The following CELSR1 variants were observed in gnomAD, a reference collection of about 807,000 sequenced individuals.
CELSR1 encodes the protein cadherin EGF LAG seven-pass G-type receptor 1, also known as adhesion G protein-coupled receptor C1.
In CELSR1, 110 loss-of-function variants were observed where a neutral mutation model predicts 249.1. The ratio of observed to expected loss-of-function variants is 0.44; its 90% CI spans 0.38 to 0.52. The LOEUF (loss-of-function observed/expected upper bound fraction) is 0.52. CELSR1 is among the 20% of genes least tolerant of loss of function. The pLI is 0.00. For missense variants in CELSR1, 4,109 were observed against 4,296.4 expected, an observed-to-expected ratio of 0.96 and a Z score of 1.22; for synonymous variants, 2,113 against 1,900.0, an observed-to-expected ratio of 1.11 and a Z score of -2.92.
At chr22:46,495,909 C>A (rs745380312) in intron 1 of CELSR1, among the ~76,000 whole-genome samples, 1 of 151,930 alleles carries the variant, frequency 6.6e-6, no homozygotes, top group African/African-American at 2.4e-5. Flanking sequence ...TAAAAAATTT[C>A]TTGGCTGGGC....
chr22:46,390,133 G>A lies in CELSR1; in HGVS notation c.6345+259C>T, dbSNP rs546110478. ...AAATGGAGTCAAATGCAGGGACCCC[G>A]TGTTTTCAGAACCAAAGACACAGAG... On this transcript the variant is annotated intron_variant, in intron 17 of 34. Coordinates refer to ENST00000674500, the MANE Select transcript of CELSR1 (RefSeq NM_001378328.1). The surrounding 1 kb of genome is among the most constrained non-coding windows in gnomAD (Gnocchi z 6.3). Among the ~76,000 whole-genome samples, 6 of 152,318 alleles carry A rather than the reference G, an allele frequency of 3.9e-5. No individual in the cohort carries two copies. The highest frequency in any genetic ancestry group is 3.9e-4 in the East Asian group (2 of 5,182).
rs979238061 is a variant in CELSR1, at chr22:46,481,720, C to T, written c.3545-17375G>A. On this transcript the variant is annotated intron_variant, in intron 1 of 34. Transcript: ENST00000674500. Reference sequence around the variant, plus strand: ...CATGGAGTCCACCACCTCCTGCACCCGCAGCTGCTGCAGCTCCCCAGTGGC... The same window carrying T: ...CATGGAGTCCACCACCTCCTGCACCTGCAGCTGCTGCAGCTCCCCAGTGGC... 1.0e-4 allele frequency: 54 copies of T among 530,248 alleles called. 3 individuals are homozygous for T. Among genetic ancestry groups the T allele is most frequent in the South Asian group, 7.7e-4 (30 of 38,896 alleles). 32.8% of individuals were successfully genotyped at this position (530,248 alleles called of 1,614,324 possible). A position where few individuals can be genotyped will look rare whatever the true frequency, so the allele number is the denominator to read the frequency against.
chr22:46,525,761 C>T (rs1211849190), intron 1 of CELSR1, among the ~76,000 whole-genome samples: 1 of 152,256 alleles, frequency 6.6e-6, no homozygotes, highest in African/African-American at 2.4e-5. Flanking sequence ...GGCCCCAGAC[C>T]CCATCTACCC....
chr22:46,417,736 G>T lies in CELSR1; in HGVS notation c.4612-5977C>A, dbSNP rs552210371. 2.0e-5 allele frequency among the ~76,000 whole-genome samples: 3 copies of T among 152,354 alleles called. No homozygotes were observed. The highest frequency in any genetic ancestry group is 3.9e-4 in the East Asian group (2 of 5,190). On this transcript the variant is annotated intron_variant, in intron 5 of 34. Transcript: ENST00000674500. The surrounding 1 kb of genome is among the most constrained non-coding windows in gnomAD (Gnocchi z 4.1). The stretch of plus-strand genomic sequence containing the variant: ...AGCCTAGGCAGACTCTTCTAGAAAG[G>T]GGGTAAGTGCATAGCTGCTATCTCT...
Position 46,374,030 on chromosome 22 carries a change from G to A in CELSR1, c.7585-973C>T, listed in dbSNP as rs2078890557. On this transcript the variant is annotated intron_variant, in intron 24 of 34. Transcript: ENST00000674500. This position sits in a 1 kb window ranked among gnomAD's most constrained non-coding sequence, Gnocchi z 4.3. ...CCAGAAACAACGCCCCCGAGGTGGG[G>A]AGGGCCCCAAGTCAGCATCGCATCT... is the stretch of plus-strand genomic sequence containing the variant. Among the ~76,000 whole-genome samples, 3 of 152,246 alleles carry A rather than the reference G, an allele frequency of 2.0e-5. No individual in the cohort carries two copies. The highest frequency in any genetic ancestry group is 4.1e-4 in the South Asian group (2 of 4,834).
At chr22:46,367,598 C>A in intron 28 of CELSR1, 131 bp downstream of exon 28, 1 of 1,302,916 alleles carries the variant, frequency 7.7e-7, no homozygotes, top group South Asian at 1.4e-5. Context: ...TCCTCACAGC[C>A]ACAGGAGGCC....
intron 1 of CELSR1, among the ~76,000 whole-genome samples, chr22:46,510,229 C>G (rs1223979236): frequency 6.6e-6 from 1 of 152,040 alleles, no homozygotes; most frequent in Non-Finnish European, 1.5e-5. Context: ...TTTTTTAAAA[C>G]GAGGGATCCA....
rs1381138810 is a variant in CELSR1 at position 46,409,309 on chromosome 22, C to T, written c.5060-147G>A. The T allele has an allele frequency of 1.8e-5, 14 of 764,526 alleles. No homozygotes were observed. In the East Asian group the frequency reaches 2.8e-4, roughly 15 times the overall value. 47.4% of individuals were successfully genotyped at this position (764,526 alleles called of 1,614,324 possible). A position where few individuals can be genotyped will look rare whatever the true frequency, so the allele number is the denominator to read the frequency against. ...GTGGGTCTGAGCCTCCCCTCTGTGA[C>T]GCATCCAGCCCTCACAGTCAGCCAC... On this transcript the variant is annotated intron_variant, in intron 8 of 34. Transcript: ENST00000674500. This position sits in a 1 kb window ranked among gnomAD's most constrained non-coding sequence, Gnocchi z 9.8.
In CELSR1 at chr22:46,401,786, G is replaced by A. The variant is rs1051231862; in HGVS notation, c.5227-1884C>T. The stretch of plus-strand genomic sequence containing the variant: ...AAACGAAAAAGAGCCACCTTTGCAG[G>A]ACTGGAAGCCCAGCTTTGAACCACC... On this transcript the variant is annotated intron_variant, in intron 9 of 34. Transcript: ENST00000674500. The surrounding 1 kb of genome is among the most constrained non-coding windows in gnomAD (Gnocchi z 4.7). 3.9e-5 allele frequency among the ~76,000 whole-genome samples: 6 copies of A among 152,206 alleles called. No homozygotes were observed. Among genetic ancestry groups the A allele is most frequent in the Non-Finnish European group, 5.9e-5 (4 of 68,026 alleles).
At chr22:46,459,574 A>C (rs2079996504) in intron 2 of CELSR1, among the ~76,000 whole-genome samples, 1 of 152,160 alleles carries the variant, frequency 6.6e-6, no homozygotes. Context: ...CCCACCCTCC[A>C]CAGTGCCAGC....
chr22:46,368,103 A>G (rs146034612), intron 27 of CELSR1, among the ~76,000 whole-genome samples: 19 of 152,294 alleles, frequency 1.2e-4, no homozygotes, highest in African/African-American at 3.4e-4. Flanking sequence ...AGCAAATGAG[A>G]AAACAGGAGC....
intron 2 of CELSR1, among the ~76,000 whole-genome samples, chr22:46,451,505 C>T (rs7284765): frequency 9.8e-5 from 15 of 152,308 alleles, no homozygotes; most frequent in Admixed American, 4.6e-4. Flanking sequence ...GGCTGGAAAC[C>T]CTGCCGAACC....
chr22:46,467,549 G>A (rs5767209), intron 1 of CELSR1, among the ~76,000 whole-genome samples: 61,440 of 151,842 alleles, frequency 0.4, 12,830 homozygotes, highest in South Asian at 0.53. Flanking sequence ...GGAGCCGGGC[G>A]TGGTGGCTCA....
Position 46,454,706 on chromosome 22 carries a change from C to T in CELSR1, c.4183+9001G>A, listed in dbSNP as rs2147535745. ...GGAAACCCTCTGCTCCTGCGCTTAG[C>T]GTTCGCAAAGGTAAACACATCGCAG... On this transcript the variant is annotated intron_variant, in intron 2 of 34. Transcript: ENST00000674500. The surrounding 1 kb of genome is among the most constrained non-coding windows in gnomAD (Gnocchi z 5.1). Among the ~76,000 whole-genome samples, 1 of 152,384 alleles carries T rather than the reference C, an allele frequency of 6.6e-6. No individual in the cohort carries two copies. Among genetic ancestry groups the T allele is most frequent in the Non-Finnish European group, 1.5e-5 (1 of 68,042 alleles).
At chr22:46,509,861 A>C (rs2080555042) in intron 1 of CELSR1, among the ~76,000 whole-genome samples, 1 of 152,118 alleles carries the variant, frequency 6.6e-6, no homozygotes, top group Non-Finnish European at 1.5e-5. Flanking sequence ...GACCCGGCAC[A>C]CAGGTGAGTC....
chr22:46,489,924 C>T (rs1231562342), intron 1 of CELSR1, among the ~76,000 whole-genome samples: 1 of 151,816 alleles, frequency 6.6e-6, no homozygotes, highest in East Asian at 1.9e-4. Flanking sequence ...TTCCTGCACT[C>T]TGTGGCCTCC....
chr22:46,386,327 C>G, intron 19 of CELSR1, 75 bp downstream of exon 19: 1 of 1,416,178 alleles, frequency 7.1e-7, no homozygotes, highest in Middle Eastern at 2.6e-4. Context: ...ACCTGCTTCA[C>G]CCCATGGGGG....
chr22:46,490,517 C>G lies in CELSR1; in HGVS notation c.3545-26172G>C, dbSNP rs1015079959. On this transcript the variant is annotated intron_variant, in intron 1 of 34. Coordinates refer to ENST00000674500, the MANE Select transcript of CELSR1 (RefSeq NM_001378328.1). This position sits in a 1 kb window ranked among gnomAD's most constrained non-coding sequence, Gnocchi z 5.2. ...GGTCAGGCTGGTCTCGAACTCCTGA[C>G]CGCAGGCGAGCCGCCCCCCTCCGCC... is the stretch of plus-strand genomic sequence containing the variant. Among the ~76,000 whole-genome samples the G allele has an allele frequency of 1.3e-5, 2 of 151,998 alleles. No homozygotes were observed. The highest frequency in any genetic ancestry group is 2.9e-5 in the Non-Finnish European group (2 of 68,018).
chr22:46,415,333 A>T (rs915883239), intron 5 of CELSR1, among the ~76,000 whole-genome samples: 4 of 152,146 alleles, frequency 2.6e-5, no homozygotes, highest in African/African-American at 9.7e-5. Flanking sequence ...TATTTTTAGT[A>T]GAGATGGGGT....
Sources: allele counts gnomAD v4.1 joint callset (sites outside exome capture counted in the v4.1 genomes callset), GRCh38; gene constraint gnomAD v4.1.1; non-coding constraint Gnocchi (gnomAD v3.1); transcripts MANE v1.5; gene names NCBI Gene and HGNC (gene_info 2026-07-23, HGNC 2026-07-21).